Variants in SMOC1 observed in about 807,000 individuals in gnomAD.
SMOC1 encodes the protein SPARC-related modular calcium-binding protein 1.
Under a neutral mutation model 56.3 loss-of-function variants are expected in SMOC1, and 22 were observed. The ratio of observed to expected loss-of-function variants is 0.39; its 90% confidence interval spans 0.28 to 0.56. SMOC1 has a LOEUF of 0.56. SMOC1 is among the 20% of genes least tolerant of loss of function. The probability of loss-of-function intolerance (pLI) is 0.61; values close to 1 mark genes in which losing one functional copy is unlikely to be tolerated. For synonymous variants in SMOC1, 193 were observed against 215.0 expected (o/e 0.90, Z 0.89); for missense variants, 509 against 565.4 (o/e 0.90, Z 1.01).
chr14:69,896,781 G>A (rs1026187485), intron 1 of SMOC1, among the ~76,000 whole-genome samples: 8 of 152,172 alleles, frequency 5.3e-5, no homozygotes, highest in South Asian at 2.1e-4. Flanking sequence ...TCCATGTGCC[G>A]TGTGGCTATG....
At chr14:69,994,246 A>G (rs1884681974) in intron 6 of SMOC1, 154 bp from the exon 7 acceptor site, 2 of 757,592 alleles carry the variant, frequency 2.6e-6, no homozygotes, top group South Asian at 2.8e-5. Flanking sequence ...CGTTGTGAGG[A>G]AGGGAGGGGA....
chr14:69,919,615 T>C (rs1241354617), intron 1 of SMOC1, among the ~76,000 whole-genome samples: 1 of 152,178 alleles, frequency 6.6e-6, no homozygotes, highest in Non-Finnish European at 1.5e-5. Context: ...GCCTTGTGAA[T>C]GTGAAGCTGG....
At chr14:69,896,035 A>G (rs1437386107) in intron 1 of SMOC1, among the ~76,000 whole-genome samples, 1 of 151,914 alleles carries the variant, frequency 6.6e-6, no homozygotes, top group Non-Finnish European at 1.5e-5. Context: ...GAAGAGACAC[A>G]GTCTTGCTAT....
chr14:69,967,443 A>G (rs1311219935), intron 3 of SMOC1, among the ~76,000 whole-genome samples: 1 of 151,974 alleles, frequency 6.6e-6, no homozygotes, highest in East Asian at 1.9e-4. Flanking sequence ...CAAATTCGTA[A>G]ACCTTCTTAA....
At chr14:69,930,164 T>G (rs1276119) in intron 1 of SMOC1, among the ~76,000 whole-genome samples, 69,102 of 142,516 alleles carry the variant, frequency 0.48, 16,461 homozygotes, top group African/African-American at 0.64. Context: ...CCCCAGTGAC[T>G]GTACCCCTGA....
At chr14:69,936,504 G>A (rs990947027) in intron 1 of SMOC1, among the ~76,000 whole-genome samples, 4 of 152,242 alleles carry the variant, frequency 2.6e-5, no homozygotes, top group African/African-American at 9.6e-5. Context: ...AACCCCATCC[G>A]ACTTCCAGAG....
At position 69,952,247 on chromosome 14, in the gene SMOC1, A is replaced by G. The variant is rs1165378031; in HGVS notation, c.209A>G (p.Gln70Arg). The change falls in exon 2 of 12, where the codon CAG becomes CGG. Residue 70 changes from glutamine (Q) to arginine (R), a missense_variant. Gln to Arg is a conservative substitution (Grantham distance 43). Around this residue, in one of 3 missense-constraint regions of SMOC1, gnomAD observed 315 missense variants for 333.1 expected, o/e 0.95. Transcript: ENST00000361956. ...TCCTACGAGTCCATGTGTGAGTACC[A>G]GCGAGCCAAGTGCCGAGACCCGACC... is the stretch of plus-strand genomic sequence containing the variant. ...GRSYESMCEY[Q>R]RAKCRDPTLG... 2.4e-5 allele frequency: 39 copies of G among 1,614,022 alleles called. No individual in the cohort carries two copies. The highest frequency in any genetic ancestry group is 3.1e-5 in the Non-Finnish European group (37 of 1,180,024).
intron 3 of SMOC1, among the ~76,000 whole-genome samples, chr14:69,963,462 A>G (rs1883458992): frequency 6.6e-6 from 1 of 152,164 alleles, no homozygotes; most frequent in Admixed American, 6.5e-5. Flanking sequence ...AGGAAAGGGA[A>G]TTCCTTTTCA....
intron 5 of SMOC1, among the ~76,000 whole-genome samples, chr14:69,980,882 C>T (rs1335372233): frequency 2.0e-5 from 3 of 152,008 alleles, no homozygotes; most frequent in Non-Finnish European, 2.9e-5. Flanking sequence ...AGGGCAAGGA[C>T]GGGACCCGGG....
intron 1 of SMOC1, among the ~76,000 whole-genome samples, chr14:69,926,681 C>T (rs1885020277): frequency 6.6e-6 from 1 of 152,220 alleles, no homozygotes; most frequent in Non-Finnish European, 1.5e-5. Context: ...CCTTCCCTCA[C>T]ACTCTCTGCT....
intron 5 of SMOC1, among the ~76,000 whole-genome samples, chr14:69,985,050 AAAAG>A (rs1269684705): frequency 3.1e-4 from 47 of 152,060 alleles, no homozygotes; most frequent in African/African-American, 1.1e-3. Flanking sequence ...AGAAAAAAAA[AAAAG>A]AAAAGAAAGA....
chr14:69,887,757 G>A (rs1449995243), intron 1 of SMOC1, among the ~76,000 whole-genome samples: 1 of 152,206 alleles, frequency 6.6e-6, no homozygotes, highest in African/African-American at 2.4e-5. Context: ...AGCTAAGCTG[G>A]CAGTGGGCAG....
chr14:69,965,377 AAAT>A (rs544015097), intron 3 of SMOC1, among the ~76,000 whole-genome samples: 22 of 113,890 alleles, frequency 1.9e-4, no homozygotes, highest in South Asian at 8.3e-4. Context: ...CAAGACTCTC[AAAT>A]AATAATAATA....
intron 1 of SMOC1, among the ~76,000 whole-genome samples, chr14:69,882,196 G>A (rs1883660014): frequency 6.6e-6 from 1 of 152,204 alleles, no homozygotes; most frequent in African/African-American, 2.4e-5. Flanking sequence ...AGCTCTGGTT[G>A]TTGAGAGCGG....
intron 3 of SMOC1, among the ~76,000 whole-genome samples, chr14:69,958,339 A>G (rs2139455855): frequency 6.6e-6 from 1 of 152,362 alleles, no homozygotes; most frequent in South Asian, 2.1e-4. Flanking sequence ...AGCTAATCTT[A>G]TGTAAAGAAC....
At chr14:70,024,389 G>A (rs962067617) in intron 11 of SMOC1, among the ~76,000 whole-genome samples, 6 of 152,146 alleles carry the variant, frequency 3.9e-5, no homozygotes, top group African/African-American at 1.4e-4. Context: ...GCCTGTTTTT[G>A]TACAGCCTGT....
chr14:70,022,728 C>T (rs1025905080), intron 10 of SMOC1, among the ~76,000 whole-genome samples: 5 of 152,238 alleles, frequency 3.3e-5, no homozygotes, highest in Admixed American at 1.3e-4. Flanking sequence ...GGTGCACCCT[C>T]CAGGGCCCAG....
At position 69,941,294 on chromosome 14, in the gene SMOC1, G is replaced by A. The variant is rs149033482; in HGVS notation, c.100-10844G>A. ...CCAGTTGGTCCAGATTCCACCTGGC[G>A]CATTTGCTTTTCAGCCTGGGGTAAC... On this transcript the variant is annotated intron_variant, in intron 1 of 11. Transcript: ENST00000361956. 2.6e-4 allele frequency among the ~76,000 whole-genome samples: 39 copies of A among 152,300 alleles called. 1 individual carries two copies. The East Asian group carries it at 6.0e-3, about 23-fold the overall frequency.
At chr14:69,952,616 AT>A (rs1883045562) in intron 2 of SMOC1, among the ~76,000 whole-genome samples, 1 of 152,218 alleles carries the variant, frequency 6.6e-6, no homozygotes, top group African/African-American at 2.4e-5. Flanking sequence ...CTGAATAGTG[AT>A]TCCAAATTGT....
Sources: gnomAD v4.1 joint callset for allele counts (sites outside exome capture counted in the v4.1 genomes callset) on GRCh38, gnomAD v4.1.1 for gene constraint, gnomAD v4.1.1 regional missense constraint, MANE v1.5 for transcripts, NCBI Gene and HGNC (gene_info 2026-07-23, HGNC 2026-07-21) for gene names.